Variants in SNAP23 observed in about 807,000 individuals in gnomAD.
The protein encoded by SNAP23 is synaptosomal-associated protein 23.
A neutral mutation model predicts 29.0 loss-of-function variants in SNAP23; 11 were observed. The observed-to-expected ratio is 0.38, with a 90% CI of 0.24 to 0.63. SNAP23 has a LOEUF of 0.63. Among genes scored for constraint, SNAP23 ranks in the 20% least tolerant of loss-of-function variants. The pLI is 0.58. For missense variants in SNAP23, 220 were observed against 253.9 expected (o/e 0.87, Z 0.91); for synonymous variants, 60 against 82.9 (o/e 0.72, Z 1.50).
At chr15:42,517,946 C>G (rs939418012) in intron 5 of SNAP23, among the ~76,000 whole-genome samples, 1 of 151,976 alleles carries the variant, frequency 6.6e-6, no homozygotes, top group Admixed American at 6.6e-5. Context: ...CTCCTGGCCT[C>G]AAGAAATCCT....
At chr15:42,507,343 C>T (rs966196320) in intron 1 of SNAP23, among the ~76,000 whole-genome samples, 2 of 152,068 alleles carry the variant, frequency 1.3e-5, no homozygotes, top group African/African-American at 4.8e-5. Flanking sequence ...TCTTTCCCTG[C>T]CTAGGTTTAA....
chr15:42,492,788 G>C (rs1004229448), upstream of SNAP23: 1 of 151,638 alleles, frequency 6.6e-6, no homozygotes, highest in Admixed American at 6.6e-5. Context: ...TTCCAATTCC[G>C]TGTTTGTGAC....
intron 1 of SNAP23, among the ~76,000 whole-genome samples, chr15:42,506,740 G>T (rs879789901): frequency 1.3e-5 from 2 of 151,944 alleles, no homozygotes; most frequent in African/African-American, 4.8e-5. Flanking sequence ...AGGATTGCTT[G>T]ACCTATTTTC....
chr15:42,522,187 G>A (rs1043670348), intron 5 of SNAP23: 2 of 152,188 alleles, frequency 1.3e-5, no homozygotes, highest in East Asian at 1.9e-4. Context: ...CCAAATTAAG[G>A]AATCAATTGC....
chr15:42,515,375 G>A, intron 5 of SNAP23, 21 bp downstream of exon 5: 1 of 1,482,932 alleles, frequency 6.7e-7, no homozygotes, highest in Admixed American at 1.8e-5. Flanking sequence ...AAATTAAGAT[G>A]GTTTCAAAAT....
chr15:42,528,517 A>C (rs2057529084), intron 6 of SNAP23, 97 bp downstream of exon 6: 4 of 1,168,288 alleles, frequency 3.4e-6, no homozygotes, highest in Non-Finnish European at 4.9e-6. Context: ...AAAACAAATA[A>C]AAATTGTATT....
chr15:42,497,204 A>AT (rs1192101985), intron 1 of SNAP23, among the ~76,000 whole-genome samples: 4,393 of 104,254 alleles, frequency 0.042, 378 homozygotes, highest in African/African-American at 0.13. Context: ...AACCTGGCTA[A>AT]TTTTTTTTTT....
intron 1 of SNAP23, among the ~76,000 whole-genome samples, chr15:42,497,763 A>T (rs1352570380): frequency 3.9e-5 from 6 of 152,202 alleles, no homozygotes; most frequent in African/African-American, 1.2e-4. Context: ...CCAAAGTCTC[A>T]TCTGAGACAA....
At chr15:42,526,502 A>G (rs1282603799) in intron 5 of SNAP23, among the ~76,000 whole-genome samples, 3 of 152,220 alleles carry the variant, frequency 2.0e-5, no homozygotes, top group Admixed American at 6.5e-5. Context: ...TGTTAATGAT[A>G]AAGTCTAAGA....
intron 5 of SNAP23, among the ~76,000 whole-genome samples, chr15:42,524,929 T>C (rs934493251): frequency 5.3e-5 from 8 of 151,842 alleles, no homozygotes; most frequent in African/African-American, 1.9e-4. Context: ...TTACCTAGAG[T>C]GGACATGCTG....
chr15:42,521,535 TTGAC>T, intron 5 of SNAP23: 1 of 1,501,832 alleles, frequency 6.7e-7, no homozygotes, highest in South Asian at 1.3e-5. Flanking sequence ...TCTGTTCTGT[TTGAC>T]TGGCATTTAC....
In SNAP23 at chr15:42,495,705, G is replaced by C. The variant is rs1384767600; in HGVS notation, c.-23G>C. ...GTTGCCGCCGGAGAGGAGTGGCCTC[G>C]CCCGCTTGGTGAGTCTCCAGGAGTG... On this transcript the variant is annotated 5_prime_UTR_variant, in exon 1 of 8. Transcript: ENST00000249647. The C allele has an allele frequency of 6.6e-6, 1 of 152,640 alleles. No homozygotes were observed. The highest frequency in any genetic ancestry group is 1.5e-5 in the Non-Finnish European group (1 of 68,382). 9.5% of individuals were successfully genotyped at this position (152,640 alleles called of 1,614,324 possible).
intron 5 of SNAP23, among the ~76,000 whole-genome samples, chr15:42,524,539 C>T (rs1234863719): frequency 6.6e-6 from 1 of 152,288 alleles, no homozygotes; most frequent in East Asian, 1.9e-4. Context: ...TGTGCGAGAT[C>T]TAGTTGTACG....
At chr15:42,521,644 G>C (rs2141543052) in intron 5 of SNAP23, 1 of 1,475,694 alleles carries the variant, frequency 6.8e-7, no homozygotes, top group Admixed American at 2.0e-5. Context: ...CTCAGTAACT[G>C]ATCAAAGGGA....
At chr15:42,524,492 T>C (rs919989785) in intron 5 of SNAP23, among the ~76,000 whole-genome samples, 11 of 152,198 alleles carry the variant, frequency 7.2e-5, no homozygotes, top group African/African-American at 2.7e-4. Context: ...TGGCATTACA[T>C]TCTCATAGGA....
At chr15:42,510,067 T>G (rs548027624) in intron 1 of SNAP23, among the ~76,000 whole-genome samples, 2 of 151,838 alleles carry the variant, frequency 1.3e-5, no homozygotes, top group African/African-American at 4.8e-5. Flanking sequence ...AGACTCCATC[T>G]CAAAAAAATA....
At chr15:42,528,703 A>C (rs780967588) in intron 6 of SNAP23, among the ~76,000 whole-genome samples, 8 of 152,094 alleles carry the variant, frequency 5.3e-5, no homozygotes, top group Non-Finnish European at 1.2e-4. Flanking sequence ...CTCCTGCCTC[A>C]GCCTTCCGAG....
rs903730836 is a variant in SNAP23 at position 42,522,207 on chromosome 15, C to T, written c.267-6055C>T. ...TTAAGGAATCAATTGCCAGTCTAGTCGTCTCAAATCCTATTTGGAACAAGG... is the reference window on the plus strand; with the variant it reads ...TTAAGGAATCAATTGCCAGTCTAGTTGTCTCAAATCCTATTTGGAACAAGG... On this transcript the variant is annotated intron_variant, in intron 5 of 7. Coordinates refer to ENST00000249647, the MANE Select transcript of SNAP23 (RefSeq NM_003825.4). 8 of 152,300 alleles carry T rather than the reference C, an allele frequency of 5.3e-5. No individual in the cohort carries two copies. In the East Asian group the frequency reaches 1.2e-3, roughly 22 times the overall value. 9.4% of individuals were successfully genotyped at this position (152,300 alleles called of 1,614,324 possible).
chr15:42,528,579 T>G (rs866044897), intron 6 of SNAP23, among the ~76,000 whole-genome samples, 159 bp downstream of exon 6: 89 of 148,354 alleles, frequency 6.0e-4, no homozygotes, highest in South Asian at 2.9e-3. Context: ...AAAATGTGGG[T>G]TTTTTTTATT....
Sources: allele counts gnomAD v4.1 joint callset (sites outside exome capture counted in the v4.1 genomes callset), GRCh38; gene constraint gnomAD v4.1.1; transcripts MANE v1.5; gene names NCBI Gene and HGNC (gene_info 2026-07-23, HGNC 2026-07-21).